The following POU6F2 variants were observed in gnomAD, a reference collection of about 807,000 sequenced individuals.
POU6F2 encodes POU class 6 homeobox 2, also known as POU domain, class 6, transcription factor 2.
In POU6F2, 31 loss-of-function variants were observed where a neutral mutation model predicts 71.3. The observed-to-expected ratio is 0.43, with a 90% CI of 0.33 to 0.59. POU6F2 has a LOEUF of 0.59. Ranked by LOEUF, POU6F2 falls within the 20% of genes least tolerant of loss-of-function variation. The pLI, the probability that POU6F2 is intolerant of heterozygous loss-of-function variation, is 0.04. For synonymous variants in POU6F2, 347 were observed against 355.7 expected (o/e 0.98, Z 0.27); for missense variants, 783 against 856.8 (o/e 0.91, Z 1.07).
chr7:38,992,197 C>A (rs908342556), intron 1 of POU6F2, among the ~76,000 whole-genome samples: 8 of 152,172 alleles, frequency 5.3e-5, no homozygotes, highest in African/African-American at 1.9e-4. Flanking sequence ...ATGCTCGTCT[C>A]AAGTGGTTTT....
chr7:39,013,475 A>C (rs948388017), intron 1 of POU6F2: 14 of 159,908 alleles, frequency 8.8e-5, no homozygotes, highest in African/African-American at 3.1e-4. Context: ...GAAATGCAGA[A>C]ATCACCCGTC....
intron 1 of POU6F2, among the ~76,000 whole-genome samples, chr7:39,022,004 G>A (rs1044627607): frequency 6.6e-6 from 1 of 152,012 alleles, no homozygotes; most frequent in Non-Finnish European, 1.5e-5. Flanking sequence ...AATTTGTCAG[G>A]ATATGTCAAG....
At chr7:39,297,253 G>A (rs140897496) in intron 4 of POU6F2, among the ~76,000 whole-genome samples, 93 of 137,756 alleles carry the variant, frequency 6.8e-4, no homozygotes, top group Non-Finnish European at 1.2e-3. Context: ...TCACATATAC[G>A]TGCACATTTT....
chr7:39,254,354 A>G (rs1251369102), intron 4 of POU6F2, among the ~76,000 whole-genome samples: 2 of 152,200 alleles, frequency 1.3e-5, no homozygotes, highest in Admixed American at 6.5e-5. Context: ...AGAAAATGGA[A>G]GAGTCAAGGT....
At chr7:39,384,037 T>C (rs1259577481) in intron 5 of POU6F2, among the ~76,000 whole-genome samples, 5 of 152,236 alleles carry the variant, frequency 3.3e-5, no homozygotes, top group Non-Finnish European at 5.9e-5. Context: ...AAATATGTGG[T>C]AAACAAATCA....
chr7:39,433,069 T>C lies in POU6F2; in HGVS notation c.1114-8T>C, dbSNP rs1788146831. 2.5e-6 allele frequency: 4 copies of C among 1,612,310 alleles called. No homozygotes were observed. The highest frequency in any genetic ancestry group is 3.4e-6 in the Non-Finnish European group (4 of 1,178,844). On this transcript the variant is annotated splice_region_variant and splice_polypyrimidine_tract_variant and intron_variant, in intron 6 of 9. Coordinates refer to ENST00000518318, the MANE Select transcript of POU6F2 (RefSeq NM_001370959.1). ...AGCCAGCTCCTCACCTTTGGCCCTC[T>C]CTTGCAGATTATCGGGACCATTCCA...
chr7:39,255,137 T>A (rs1020999970), intron 4 of POU6F2, among the ~76,000 whole-genome samples: 2 of 152,202 alleles, frequency 1.3e-5, no homozygotes, highest in African/African-American at 4.8e-5. Flanking sequence ...GTTTGAAGCA[T>A]TCCTAAAACA....
At chr7:39,327,541 C>T (rs1785536760) in intron 4 of POU6F2, among the ~76,000 whole-genome samples, 1 of 151,972 alleles carries the variant, frequency 6.6e-6, no homozygotes, top group African/African-American at 2.4e-5. Flanking sequence ...GAGAGGATTG[C>T]TTGAGTCCAG....
rs138471032 is a variant in POU6F2, at chr7:39,138,245, C to T, written c.277+52214C>T. ...AAATTAGGTGATGCAAATTTGTAGG[C>T]GAAGTGCCTGGCCCACAGTCAGTCT... On this transcript the variant is annotated intron_variant, in intron 2 of 9. Coordinates refer to ENST00000518318, the MANE Select transcript of POU6F2 (RefSeq NM_001370959.1). Among the ~76,000 whole-genome samples, 64 of 152,202 alleles carry T rather than the reference C, an allele frequency of 4.2e-4. No individual in the cohort carries two copies. In the East Asian group the frequency reaches 9.3e-3, roughly 22 times the overall value.
At chr7:39,392,211 G>T (rs1787087467) in intron 5 of POU6F2, among the ~76,000 whole-genome samples, 1 of 152,138 alleles carries the variant, frequency 6.6e-6, no homozygotes, top group South Asian at 2.1e-4. Context: ...ATCATTTGAA[G>T]AACCTTAAAA....
intron 1 of POU6F2, among the ~76,000 whole-genome samples, chr7:38,989,134 T>C (rs1415298510): frequency 6.6e-6 from 1 of 152,062 alleles, no homozygotes; most frequent in African/African-American, 2.4e-5. Flanking sequence ...ACTTTGAGGC[T>C]AGGAGCCACA....
At chr7:39,160,309 C>G (rs993645671) in intron 2 of POU6F2, among the ~76,000 whole-genome samples, 1 of 152,124 alleles carries the variant, frequency 6.6e-6, no homozygotes, top group Non-Finnish European at 1.5e-5. Flanking sequence ...TGGTGGAAGG[C>G]TTATTTCAGA....
intron 7 of POU6F2, among the ~76,000 whole-genome samples, chr7:39,447,122 A>G (rs989725728): frequency 6.6e-6 from 1 of 152,216 alleles, no homozygotes; most frequent in African/African-American, 2.4e-5. Flanking sequence ...ATTTTTGGAT[A>G]ATCTTCTAGC....
At chr7:39,140,367 A>G (rs1443004329) in intron 2 of POU6F2, among the ~76,000 whole-genome samples, 2 of 152,198 alleles carry the variant, frequency 1.3e-5, no homozygotes, top group East Asian at 1.9e-4. Flanking sequence ...GGAGTGCATT[A>G]GTTTTATCTA....
At chr7:39,436,609 T>A (rs893592326) in intron 7 of POU6F2, among the ~76,000 whole-genome samples, 4 of 152,174 alleles carry the variant, frequency 2.6e-5, no homozygotes, top group Non-Finnish European at 4.4e-5. Context: ...TTGAATACCC[T>A]TTATTTTCCT....
intron 1 of POU6F2, among the ~76,000 whole-genome samples, chr7:38,979,577 A>G (rs1202390433): frequency 1.3e-5 from 2 of 152,212 alleles, no homozygotes; most frequent in East Asian, 3.8e-4. Context: ...CTGATTTTAT[A>G]TACTCTTAAT....
intron 6 of POU6F2, among the ~76,000 whole-genome samples, chr7:39,432,224 G>A (rs377623455): frequency 2.0e-5 from 3 of 152,032 alleles, no homozygotes; most frequent in East Asian, 3.9e-4. Flanking sequence ...ATGGTCCCTC[G>A]TTGAAGCCAG....
At chr7:39,017,521 C>T (rs1435537855) in intron 1 of POU6F2, among the ~76,000 whole-genome samples, 1 of 152,144 alleles carries the variant, frequency 6.6e-6, no homozygotes, top group Admixed American at 6.6e-5. Flanking sequence ...ATTACTGTAT[C>T]CCTGGCTGGA....
chr7:39,377,131 T>C (rs1004652380), intron 5 of POU6F2, among the ~76,000 whole-genome samples: 6 of 149,068 alleles, frequency 4.0e-5, no homozygotes, highest in African/African-American at 1.5e-4. Context: ...ATATTTATAA[T>C]TATATATATA....
Sources: allele counts gnomAD v4.1 joint callset (sites outside exome capture counted in the v4.1 genomes callset), GRCh38; gene constraint gnomAD v4.1.1; transcripts MANE v1.5; gene names NCBI Gene and HGNC (gene_info 2026-07-23, HGNC 2026-07-21).